Variants in CNIH3 observed in about 807,000 individuals in gnomAD.
The protein encoded by CNIH3 is cornichon family AMPA receptor auxiliary protein 3.
In CNIH3, 14 loss-of-function variants were observed where a neutral mutation model predicts 24.1. The observed-to-expected ratio is 0.58, with a 90% CI of 0.38 to 0.91. The LOEUF (loss-of-function observed/expected upper bound fraction) is 0.91. CNIH3 is among the 40% of genes least tolerant of loss of function. The pLI, the probability that CNIH3 is intolerant of heterozygous loss-of-function variation, is 0.00. For missense variants in CNIH3, 178 were observed against 196.8 expected, an observed-to-expected ratio of 0.90 and a Z score of 0.57; for synonymous variants, 68 against 73.8, an observed-to-expected ratio of 0.92 and a Z score of 0.40.
intron 1 of CNIH3, among the ~76,000 whole-genome samples, chr1:224,490,318 A>G (rs2124844469): frequency 6.6e-6 from 1 of 152,340 alleles, no homozygotes; most frequent in East Asian, 1.9e-4. Flanking sequence ...TGTTTTTGTT[A>G]GGGAGTCACT....
At chr1:224,656,362 A>G (rs1685095063) in intron 1 of CNIH3, among the ~76,000 whole-genome samples, 1 of 152,224 alleles carries the variant, frequency 6.6e-6, no homozygotes, top group Non-Finnish European at 1.5e-5. Context: ...AAAATACCAG[A>G]ATATGGAGTG....
chr1:224,582,624 T>A (rs1681324729), intron 4 of CNIH3, among the ~76,000 whole-genome samples: 1 of 152,070 alleles, frequency 6.6e-6, no homozygotes, highest in Non-Finnish European at 1.5e-5. Context: ...GAGTATGAGT[T>A]TGGAAGAAAT....
chr1:224,517,300 C>T lies in CNIH3; in HGVS notation n.15+1424C>T, dbSNP rs369541514. ...AAATGCCAGCTGGGAGCCTATTTAA[C>T]GGAGCCATTTCATAAATCGGGATGC... On this transcript the variant is annotated intron_variant and non_coding_transcript_variant, in intron 1 of 2. Transcript: ENST00000470602. 3.2e-3 allele frequency among the ~76,000 whole-genome samples: 491 copies of T among 152,128 alleles called. 2 individuals carry two copies. In the Middle Eastern group the frequency reaches 0.034, roughly 11 times the overall value.
chr1:224,713,378 T>G (rs898704221), intron 3 of CNIH3, among the ~76,000 whole-genome samples: 3 of 152,198 alleles, frequency 2.0e-5, no homozygotes, highest in Non-Finnish European at 4.4e-5. Flanking sequence ...CTTGCTTTGA[T>G]GATTCAGTGT....
intron 1 of CNIH3, among the ~76,000 whole-genome samples, chr1:224,669,477 G>T (rs1021157211): frequency 6.6e-6 from 1 of 152,116 alleles, no homozygotes. Flanking sequence ...GGCCATGCTG[G>T]CTTTATCATC....
chr1:224,731,611 T>C (rs956954813), intron 4 of CNIH3, among the ~76,000 whole-genome samples: 1 of 152,218 alleles, frequency 6.6e-6, no homozygotes, highest in African/African-American at 2.4e-5. Context: ...ACGGGATACA[T>C]AGTACACGCC....
intron 3 of CNIH3, among the ~76,000 whole-genome samples, chr1:224,595,603 A>G (rs190940743): frequency 2.3e-4 from 35 of 152,344 alleles, no homozygotes; most frequent in Admixed American, 7.8e-4. Context: ...CCCATTTTAA[A>G]TCAAAAGCTG....
chr1:224,484,093 C>T (rs1016390107), intron 1 of CNIH3, among the ~76,000 whole-genome samples: 2 of 151,890 alleles, frequency 1.3e-5, no homozygotes, highest in Non-Finnish European at 2.9e-5. Context: ...ATTGATTGAA[C>T]CCAAGAAGTG....
chr1:224,549,627 T>C (rs538504781), intron 3 of CNIH3, among the ~76,000 whole-genome samples: 1 of 152,214 alleles, frequency 6.6e-6, no homozygotes, highest in East Asian at 1.9e-4. Context: ...AGAAATATAG[T>C]ATGTAATACT....
At chr1:224,566,424 A>T (rs999610865) in intron 4 of CNIH3, among the ~76,000 whole-genome samples, 1 of 151,498 alleles carries the variant, frequency 6.6e-6, no homozygotes, top group Non-Finnish European at 1.5e-5. Flanking sequence ...CAGAACATGA[A>T]GTTTTGTTAC....
chr1:224,732,735 C>T (rs527688192), intron 4 of CNIH3, among the ~76,000 whole-genome samples: 6 of 152,234 alleles, frequency 3.9e-5, no homozygotes, highest in Admixed American at 1.3e-4. Context: ...GACAAAACAT[C>T]GATCAGGGCA....
At chr1:224,686,550 A>G (rs574608424) in intron 3 of CNIH3, among the ~76,000 whole-genome samples, 20 of 152,344 alleles carry the variant, frequency 1.3e-4, no homozygotes, top group African/African-American at 3.8e-4. Context: ...TAGTACTTCT[A>G]TAGTCTCTGG....
intron 1 of CNIH3, among the ~76,000 whole-genome samples, chr1:224,644,909 T>G (rs1047463241): frequency 1.3e-5 from 2 of 152,192 alleles, no homozygotes; most frequent in African/African-American, 4.8e-5. Context: ...AGAAGGACAG[T>G]GGCTTCTGTA....
intron 1 of CNIH3, among the ~76,000 whole-genome samples, chr1:224,492,638 A>C (rs578121965): frequency 6.6e-6 from 1 of 152,326 alleles, no homozygotes; most frequent in South Asian, 2.1e-4. Context: ...CATATATACA[A>C]AGAATTTTAA....
At chr1:224,557,429 C>T (rs1680182660) in intron 3 of CNIH3, among the ~76,000 whole-genome samples, 1 of 152,122 alleles carries the variant, frequency 6.6e-6, no homozygotes, top group African/African-American at 2.4e-5. Context: ...TCTGTCTTTA[C>T]TCCCTTGAGG....
intron 1 of CNIH3, among the ~76,000 whole-genome samples, chr1:224,653,422 C>CAA (rs60825350): frequency 0.32 from 36,447 of 113,924 alleles, 5,737 homozygotes; most frequent in African/African-American, 0.48. Flanking sequence ...AACTCCACCT[C>CAA]AAAAAAAAAA....
intron 3 of CNIH3, among the ~76,000 whole-genome samples, chr1:224,561,323 A>G (rs1298111304): frequency 1.3e-5 from 2 of 151,952 alleles, no homozygotes; most frequent in Non-Finnish European, 2.9e-5. Flanking sequence ...CCTATATATA[A>G]TTTTCTAAAA....
At position 224,640,658 on chromosome 1, in the gene CNIH3, G is replaced by A. The variant is rs530080760; in HGVS notation, c.81+23403G>A. On this transcript the variant is annotated intron_variant, in intron 1 of 5. Transcript: ENST00000272133. ...AGTGTCTGTGCAGGCAGGGGCTGGA[G>A]GAGCAAGTGAAGTGAAAAGCCCTTC... Among the ~76,000 whole-genome samples, 4 of 152,276 alleles carry A rather than the reference G, an allele frequency of 2.6e-5. No homozygotes were observed. The South Asian group carries it at 8.3e-4, about 32-fold the overall frequency.
chr1:224,502,363 AGAG>A (rs919025846), intron 1 of CNIH3, among the ~76,000 whole-genome samples: 25 of 152,352 alleles, frequency 1.6e-4, no homozygotes, highest in African/African-American at 6.0e-4. Flanking sequence ...CATGGAGGAA[AGAG>A]GAGAAGGGCA....
Sources: gnomAD v4.1 joint callset for allele counts (sites outside exome capture counted in the v4.1 genomes callset) on GRCh38, gnomAD v4.1.1 for gene constraint, MANE v1.5 for transcripts, NCBI Gene and HGNC (gene_info 2026-07-23, HGNC 2026-07-21) for gene names.